The following AGBL1 variants were observed in gnomAD, a reference collection of about 807,000 sequenced individuals.
AGBL1 encodes the protein AGBL carboxypeptidase 1.
AGBL1 carries 130 observed loss-of-function variants against 118.9 expected under a neutral mutation model. That is an observed-to-expected ratio of 1.09 (90% CI 0.95 to 1.26). The LOEUF is 1.26. Ranked by LOEUF, AGBL1 falls within the 50% of genes most tolerant of loss-of-function variation. The pLI, the probability that AGBL1 is intolerant of heterozygous loss-of-function variation, is 0.00. For synonymous variants in AGBL1, 555 were observed against 478.9 expected, an observed-to-expected ratio of 1.16 and a Z score of -2.08; for missense variants, 1,584 against 1,298.1, an observed-to-expected ratio of 1.22 and a Z score of -3.38.
Position 86,252,725 on chromosome 15 carries a change from C to T in AGBL1, c.736-4128C>T, listed in dbSNP as rs887299901. On this transcript the variant is annotated intron_variant, in intron 7 of 22. Coordinates refer to ENST00000614907, the MANE Select transcript of AGBL1 (RefSeq NM_001386094.1). ...GGTTTGTGAACTGTTCAGAGAAGCA[C>T]AGGAGGTGGCCACCAGGCACAGACA... Among the ~76,000 whole-genome samples the T allele has an allele frequency of 3.3e-5, 5 of 152,170 alleles. 1 individual carries two copies. Among genetic ancestry groups the T allele is most frequent in the South Asian group, 4.1e-4 (2 of 4,828 alleles).
chr15:87,015,347 TCTGC>T (rs1432910824), intron 24 of AGBL1, among the ~76,000 whole-genome samples: 6 of 152,140 alleles, frequency 3.9e-5, no homozygotes, highest in African/African-American at 1.4e-4. Flanking sequence ...CCCTTATCTT[TCTGC>T]CTGTCTGTCT....
rs371976117 is a variant in AGBL1, at chr15:86,295,222, A to G, written c.2221-33A>G. The G allele has an allele frequency of 9.3e-6, 15 of 1,607,886 alleles. No homozygotes were observed. In the African/African-American group the frequency reaches 2.0e-4, roughly 22 times the overall value. The stretch of plus-strand genomic sequence containing the variant: ...ATTATTGTTGTTATAAAAAATGTTG[A>G]TAATATACATGCCTGCTTTATTTCT... On this transcript the variant is annotated intron_variant, in intron 16 of 22. Coordinates refer to ENST00000614907, the MANE Select transcript of AGBL1 (RefSeq NM_001386094.1).
At chr15:86,330,941 G>T (rs1164943524) in intron 17 of AGBL1, among the ~76,000 whole-genome samples, 1 of 152,088 alleles carries the variant, frequency 6.6e-6, no homozygotes, top group Non-Finnish European at 1.5e-5. Context: ...AAAAAAATGA[G>T]CAGGGAAGAT....
chr15:86,261,887 A>T (rs1444644630), intron 9 of AGBL1, among the ~76,000 whole-genome samples: 2 of 152,086 alleles, frequency 1.3e-5, no homozygotes, highest in Non-Finnish European at 2.9e-5. Flanking sequence ...AGGGATAAAG[A>T]TGTAGTAGGA....
chr15:86,649,986 T>G (rs185012857), intron 21 of AGBL1, among the ~76,000 whole-genome samples: 6 of 152,320 alleles, frequency 3.9e-5, no homozygotes, highest in Admixed American at 1.3e-4. Flanking sequence ...TGACAAGCAT[T>G]AAGTCATAGG....
chr15:86,705,445 A>T (rs1278562794), intron 22 of AGBL1, among the ~76,000 whole-genome samples: 1 of 152,176 alleles, frequency 6.6e-6, no homozygotes, highest in Non-Finnish European at 1.5e-5. Flanking sequence ...TTTCAAACTC[A>T]TAGAGTTATG....
chr15:86,944,494 A>T (rs2080792997), intron 23 of AGBL1, among the ~76,000 whole-genome samples: 1 of 152,194 alleles, frequency 6.6e-6, no homozygotes, highest in Non-Finnish European at 1.5e-5. Context: ...GGACCAATTC[A>T]AAGTCAGTCC....
chr15:86,394,059 A>T (rs1401917629), intron 17 of AGBL1, among the ~76,000 whole-genome samples: 1 of 152,306 alleles, frequency 6.6e-6, no homozygotes, highest in East Asian at 1.9e-4. Flanking sequence ...TCAGTTGTTT[A>T]TAAGCCACAC....
chr15:86,919,600 A>ACACACG (rs1555463060), downstream of AGBL1, among the ~76,000 whole-genome samples: 90 of 148,342 alleles, frequency 6.1e-4, 3 homozygotes, highest in Middle Eastern at 0.017. Context: ...ACACACACAC[A>ACACACG]CACACACACA....
intron 24 of AGBL1, among the ~76,000 whole-genome samples, chr15:87,024,075 T>A (rs1018263463): frequency 6.6e-6 from 1 of 151,646 alleles, no homozygotes; most frequent in Admixed American, 6.6e-5. Flanking sequence ...CTCAAGTAAC[T>A]ACCAAAACAA....
chr15:86,546,779 T>A (rs1465946716), intron 20 of AGBL1, among the ~76,000 whole-genome samples: 1 of 152,170 alleles, frequency 6.6e-6, no homozygotes, highest in Non-Finnish European at 1.5e-5. Flanking sequence ...AGGGAGTACT[T>A]CTTCCCATCA....
intron 1 of AGBL1, among the ~76,000 whole-genome samples, chr15:86,081,307 C>T (rs2141430834): frequency 6.6e-6 from 1 of 152,268 alleles, no homozygotes; most frequent in South Asian, 2.1e-4. Flanking sequence ...TCCCAAAATG[C>T]TGGGATTACA....
At chr15:86,125,213 T>G (rs1475744498) in intron 1 of AGBL1, among the ~76,000 whole-genome samples, 1 of 152,114 alleles carries the variant, frequency 6.6e-6, no homozygotes, top group East Asian at 1.9e-4. Flanking sequence ...TTGAAAGAGG[T>G]TTCCACCCTG....
intron 22 of AGBL1, among the ~76,000 whole-genome samples, chr15:86,859,253 G>A (rs1044627308): frequency 7.9e-5 from 12 of 152,270 alleles, no homozygotes; most frequent in Admixed American, 6.5e-5. Flanking sequence ...AACGGCTCTA[G>A]CCTCACCCTG....
intron 21 of AGBL1, among the ~76,000 whole-genome samples, chr15:86,664,809 TTTAAA>T: frequency 6.6e-6 from 1 of 151,564 alleles, no homozygotes; most frequent in Non-Finnish European, 1.5e-5. Context: ...AAAAGTTAAT[TTTAAA>T]TTTAATTTTA....
At chr15:86,916,457 C>A, downstream of AGBL1, among the ~76,000 whole-genome samples, 4 of 152,068 alleles carry the variant, frequency 2.6e-5, no homozygotes, top group Middle Eastern at 6.8e-3. Context: ...GTAAGTACAT[C>A]CAGAGTCCAG....
intron 23 of AGBL1, among the ~76,000 whole-genome samples, chr15:86,937,210 TA>T: frequency 6.6e-6 from 1 of 152,206 alleles, no homozygotes; most frequent in Non-Finnish European, 1.5e-5. Context: ...AGTGGGAGTG[TA>T]AATTAGTTCA....
intron 22 of AGBL1, among the ~76,000 whole-genome samples, chr15:86,748,181 G>A (rs1040175731): frequency 2.6e-5 from 4 of 151,930 alleles, no homozygotes; most frequent in African/African-American, 9.7e-5. Context: ...CTAACTGGTG[G>A]GAGATGGTAT....
chr15:86,220,356 A>G (rs911349665), intron 5 of AGBL1, among the ~76,000 whole-genome samples: 1 of 152,194 alleles, frequency 6.6e-6, no homozygotes, highest in Non-Finnish European at 1.5e-5. Flanking sequence ...ACCCTCTAGC[A>G]TTCCCGTGAA....
Sources: allele counts gnomAD v4.1 joint callset (sites outside exome capture counted in the v4.1 genomes callset), GRCh38; gene constraint gnomAD v4.1.1; transcripts MANE v1.5; gene names NCBI Gene and HGNC (gene_info 2026-07-23, HGNC 2026-07-21).